HTR1F: variants seen among roughly 807,000 people sequenced by gnomAD.
HTR1F encodes 5-hydroxytryptamine (serotonin) receptor 1F, G protein-coupled.
In HTR1F, 17 loss-of-function variants were observed where a neutral mutation model predicts 24.0. That is an observed-to-expected ratio of 0.71 (90% CI 0.48 to 1.06). The LOEUF is 1.06. Ranked by LOEUF, HTR1F falls within the 50% of genes least tolerant of loss-of-function variation. HTR1F has a pLI of 0.00. For synonymous variants in HTR1F, 186 were observed against 156.8 expected (o/e 1.19, Z -1.39); for missense variants, 391 against 427.8 (o/e 0.91, Z 0.76).
chr3:87,989,518 C>T (rs1277124533), intron 2 of HTR1F, among the ~76,000 whole-genome samples: 1 of 152,166 alleles, frequency 6.6e-6, no homozygotes, highest in African/African-American at 2.4e-5. Context: ...TTCCTAATTT[C>T]ATACAATGAT....
Position 87,992,757 on chromosome 3 carries a change from A to G in HTR1F, c.*907A>G, listed in dbSNP as rs1260142574. On this transcript the variant is annotated 3_prime_UTR_variant, in exon 3 of 3. Transcript: ENST00000319595. ...CTGTTAATAAGCTCAGTTATTAACT[A>G]AATTGTCTGTGGTATTTTGCACTTC... is the stretch of plus-strand genomic sequence containing the variant. 1 of 167,014 alleles carries G rather than the reference A, an allele frequency of 6.0e-6. No homozygotes were observed. The highest frequency in any genetic ancestry group is 1.5e-5 in the Non-Finnish European group (1 of 68,084). The allele number at this position is 167,014 out of a possible 1,614,324, so 10.3% of individuals were successfully genotyped here. A position where few individuals can be genotyped will look rare whatever the true frequency, so the allele number is the denominator to read the frequency against.
At chr3:87,892,693 T>C (rs1156691118) in intron 2 of HTR1F, among the ~76,000 whole-genome samples, 2 of 152,290 alleles carry the variant, frequency 1.3e-5, no homozygotes, top group East Asian at 3.9e-4. Context: ...TTTAATTATC[T>C]AGAGAATAGT....
chr3:87,891,961 G>A (rs1329768289), intron 2 of HTR1F, among the ~76,000 whole-genome samples: 2 of 152,128 alleles, frequency 1.3e-5, no homozygotes, highest in Admixed American at 6.6e-5. Flanking sequence ...CTGTTGAGCT[G>A]CCAACTCAAG....
intron 2 of HTR1F, among the ~76,000 whole-genome samples, chr3:87,851,400 A>G (rs1470710946): frequency 4.6e-5 from 7 of 151,682 alleles, no homozygotes; most frequent in Admixed American, 4.6e-4. Flanking sequence ...CTTTCATTCA[A>G]TCTGATAACC....
chr3:87,839,051 T>G (rs1281459548), intron 2 of HTR1F, among the ~76,000 whole-genome samples: 1 of 151,270 alleles, frequency 6.6e-6, no homozygotes, highest in East Asian at 1.9e-4. Context: ...TCTAGAAGCC[T>G]TTTAGTTTGA....
chr3:87,831,663 A>G (rs1704583727), intron 2 of HTR1F, among the ~76,000 whole-genome samples: 2 of 152,078 alleles, frequency 1.3e-5, no homozygotes, highest in African/African-American at 4.8e-5. Flanking sequence ...CGCCCGGCCC[A>G]CAGATACAAA....
At chr3:87,850,138 G>T (rs1428174425) in intron 2 of HTR1F, among the ~76,000 whole-genome samples, 1 of 151,870 alleles carries the variant, frequency 6.6e-6, no homozygotes, top group African/African-American at 2.4e-5. Flanking sequence ...AAATCATGCT[G>T]CTATAAAGAC....
In HTR1F at chr3:87,992,004, A is replaced by G. The variant is rs930986363; in HGVS notation, c.*154A>G. 1 of 575,972 alleles carries G rather than the reference A, an allele frequency of 1.7e-6. No homozygotes were observed. The highest frequency in any genetic ancestry group is 2.9e-6 in the Non-Finnish European group (1 of 342,486). 35.7% of individuals were successfully genotyped at this position (575,972 alleles called of 1,614,324 possible). On this transcript the variant is annotated 3_prime_UTR_variant, in exon 3 of 3. Transcript: ENST00000319595. ...AATTTATATTTTAATAGCAATGTGAATATAAAAGTTATTGATCACCACTAT... is the reference window on the plus strand; with the variant it reads ...AATTTATATTTTAATAGCAATGTGAGTATAAAAGTTATTGATCACCACTAT...
intron 2 of HTR1F, among the ~76,000 whole-genome samples, chr3:87,863,979 C>T (rs535379475): frequency 7.2e-4 from 109 of 152,272 alleles, no homozygotes; most frequent in African/African-American, 2.4e-3. Context: ...CTAGAAGCTG[C>T]CCACATTCCT....
chr3:87,824,954 G>A (rs1704433865), intron 2 of HTR1F, among the ~76,000 whole-genome samples: 1 of 152,074 alleles, frequency 6.6e-6, no homozygotes, highest in Non-Finnish European at 1.5e-5. Flanking sequence ...TTTTTACACT[G>A]ACGAACAGAT....
At chr3:87,836,155 C>T (rs1163703867) in intron 2 of HTR1F, among the ~76,000 whole-genome samples, 1 of 152,168 alleles carries the variant, frequency 6.6e-6, no homozygotes, top group East Asian at 1.9e-4. Context: ...GTTCAGCTTC[C>T]TTCAGGGAAT....
chr3:87,824,732 C>T (rs1244205224), intron 2 of HTR1F, among the ~76,000 whole-genome samples: 2 of 152,140 alleles, frequency 1.3e-5, no homozygotes, highest in African/African-American at 4.8e-5. Context: ...CTTTCATAAG[C>T]ACATTATTTC....
chr3:87,876,103 A>T (rs886625186), intron 2 of HTR1F, among the ~76,000 whole-genome samples: 1 of 152,184 alleles, frequency 6.6e-6, no homozygotes, highest in African/African-American at 2.4e-5. Context: ...ACATAAAATA[A>T]CAAGTGTTGG....
chr3:87,834,454 C>G (rs1440095054), intron 2 of HTR1F, among the ~76,000 whole-genome samples: 1 of 150,788 alleles, frequency 6.6e-6, no homozygotes, highest in Admixed American at 6.6e-5. Flanking sequence ...TTTTCCCAAG[C>G]TATTTCCCAT....
At chr3:87,820,854 G>T (rs1466726427) in intron 1 of HTR1F, among the ~76,000 whole-genome samples, 2 of 152,092 alleles carry the variant, frequency 1.3e-5, no homozygotes, top group Non-Finnish European at 2.9e-5. Context: ...GTAAAGTTCT[G>T]CATGACTATT....
chr3:87,829,970 A>AT (rs1704543013), intron 2 of HTR1F, among the ~76,000 whole-genome samples: 1 of 151,452 alleles, frequency 6.6e-6, no homozygotes, highest in Non-Finnish European at 1.5e-5. Context: ...TTTTATCCTT[A>AT]AATAGTCTTT....
At chr3:87,826,857 C>G (rs773366538) in intron 2 of HTR1F, among the ~76,000 whole-genome samples, 2 of 152,112 alleles carry the variant, frequency 1.3e-5, no homozygotes, top group Non-Finnish European at 2.9e-5. Context: ...GTCACCCAGG[C>G]TGGAGTGCAG....
At chr3:87,977,856 C>G (rs1163998539) in intron 2 of HTR1F, among the ~76,000 whole-genome samples, 1 of 152,132 alleles carries the variant, frequency 6.6e-6, no homozygotes, top group Non-Finnish European at 1.5e-5. Flanking sequence ...CAGCCACAAG[C>G]CAATGTGGCT....
At chr3:87,864,673 A>T (rs1705384552) in intron 2 of HTR1F, among the ~76,000 whole-genome samples, 1 of 152,148 alleles carries the variant, frequency 6.6e-6, no homozygotes, top group African/African-American at 2.4e-5. Flanking sequence ...AGGAGGGCAG[A>T]TCACCTGAGG....
Sources: gnomAD v4.1 joint callset for allele counts (sites outside exome capture counted in the v4.1 genomes callset) on GRCh38, gnomAD v4.1.1 for gene constraint, MANE v1.5 for transcripts, NCBI Gene and HGNC (gene_info 2026-07-23, HGNC 2026-07-21) for gene names.